ANXA5: variants seen among roughly 807,000 people sequenced by gnomAD.
ANXA5 encodes the protein CBP-I.
A neutral mutation model predicts 48.1 loss-of-function variants in ANXA5; 40 were observed. The ratio of observed to expected loss-of-function variants is 0.83; its 90% CI spans 0.65 to 1.08. ANXA5 has a LOEUF of 1.08. ANXA5 is among the 50% of genes least tolerant of loss of function. The pLI is 0.00. For missense variants in ANXA5, 357 were observed against 376.8 expected, an observed-to-expected ratio of 0.95 and a Z score of 0.44; for synonymous variants, 113 against 129.1, an observed-to-expected ratio of 0.88 and a Z score of 0.85.
intron 10 of ANXA5, among the ~76,000 whole-genome samples, chr4:121,670,409 C>G (rs1724593814): frequency 6.6e-6 from 1 of 152,156 alleles, no homozygotes; most frequent in African/African-American, 2.4e-5. Flanking sequence ...GCAAATAATA[C>G]AAGATTACTA....
intron 10 of ANXA5, among the ~76,000 whole-genome samples, chr4:121,670,577 A>T (rs1724596341): frequency 6.6e-6 from 1 of 150,962 alleles, no homozygotes; most frequent in Non-Finnish European, 1.5e-5. Flanking sequence ...GTACATGTTG[A>T]ATGTAGGTTG....
chr4:121,693,201 T>C (rs1030609797), intron 2 of ANXA5, among the ~76,000 whole-genome samples: 2 of 148,994 alleles, frequency 1.3e-5, no homozygotes, highest in Non-Finnish European at 3.0e-5. Flanking sequence ...GCCACGGCAC[T>C]CCAGCCTGGA....
chr4:121,692,080 C>T (rs1338607378), intron 2 of ANXA5, among the ~76,000 whole-genome samples: 1 of 152,128 alleles, frequency 6.6e-6, no homozygotes, highest in Non-Finnish European at 1.5e-5. Context: ...CTATTGCTTA[C>T]TTTTGTGTAA....
intron 10 of ANXA5, 112 bp downstream of exon 10, chr4:121,671,435 C>T: frequency 1.4e-6 from 1 of 708,626 alleles, no homozygotes. Flanking sequence ...CCCTAAATAT[C>T]ATATCAAGCT....
intron 8 of ANXA5, 138 bp downstream of exon 8, chr4:121,677,756 G>T (rs2110482482): frequency 2.6e-6 from 2 of 757,662 alleles, no homozygotes; most frequent in East Asian, 5.1e-5. Flanking sequence ...ACTTATGTAG[G>T]TCTTATGCTA....
rs774502853 is a variant in ANXA5, at chr4:121,668,459, C to T, written c.*9G>A. 28 of 1,613,106 alleles carry T rather than the reference C, an allele frequency of 1.7e-5. No individual in the cohort carries two copies. The Admixed American group carries it at 2.8e-4, about 16-fold the overall frequency. On this transcript the variant is annotated 3_prime_UTR_variant, in exon 13 of 13. Transcript: ENST00000296511. ...AGGCACACAGCAGGGAGCTCTTCCC[C>T]GTGACACGTTAGTCATCTTCTCCAC... is the stretch of plus-strand genomic sequence containing the variant.
intron 2 of ANXA5, among the ~76,000 whole-genome samples, chr4:121,691,274 T>C (rs1427469114): frequency 1.3e-5 from 2 of 151,952 alleles, no homozygotes; most frequent in Non-Finnish European, 2.9e-5. Flanking sequence ...TTTGTTGGCT[T>C]TTTTTTTCTC....
intron 2 of ANXA5, among the ~76,000 whole-genome samples, chr4:121,688,808 C>T (rs1271767091): frequency 6.6e-6 from 1 of 152,152 alleles, no homozygotes; most frequent in Non-Finnish European, 1.5e-5. Flanking sequence ...GCACCACTGG[C>T]AGCAGCTTTC....
intron 8 of ANXA5, among the ~76,000 whole-genome samples, chr4:121,676,976 CAG>C (rs532054250): frequency 1.9e-3 from 285 of 152,290 alleles, no homozygotes; most frequent in African/African-American, 6.4e-3. Flanking sequence ...AAATACTGCA[CAG>C]AGAGCCCTCG....
Position 121,669,728 on chromosome 4 carries a change from TAAAAAA to T in ANXA5, c.781-10_781-5del. On this transcript the variant is annotated splice_region_variant and splice_polypyrimidine_tract_variant and intron_variant, in intron 11 of 12. Transcript: ENST00000296511. ...TATGATCATCTGTCCCAGCTCCCTT[TAAAAAA>T]AAAAAAAAAGAGAGAAGCAAAATGC... The T allele has an allele frequency of 2.7e-6, 4 of 1,502,924 alleles. No homozygotes were observed. Among genetic ancestry groups the T allele is most frequent in the Non-Finnish European group, 3.6e-6 (4 of 1,124,424 alleles). The allele number at this position is 1,502,924 out of a possible 1,614,324, so 93.1% of individuals were successfully genotyped here.
intron 4 of ANXA5, among the ~76,000 whole-genome samples, chr4:121,684,426 C>G (rs1371378510): frequency 6.6e-6 from 1 of 152,096 alleles, no homozygotes; most frequent in Non-Finnish European, 1.5e-5. Context: ...AGAAGAGAGA[C>G]AGTTCTCACT....
Position 121,684,768 on chromosome 4 carries a change from G to A in ANXA5, c.98C>T (p.Thr33Ile), listed in dbSNP as rs1724851603. The stretch of plus-strand genomic sequence containing the variant: ...CAGAGTCAGGATGCTCTCCTCATCT[G>A]TGCCTGCAATTTATGGTTAACAATT... ...TLRKAMKGLG[T>I]DEESILTLLT... The change falls in exon 4 of 13, where the codon ACA becomes ATA. Residue 33 changes from threonine to isoleucine, a missense_variant. Physicochemically the swap from Thr to Ile is moderately conservative, Grantham distance 89. Transcript: ENST00000296511. The A allele has an allele frequency of 1.9e-6, 3 of 1,613,342 alleles. No individual in the cohort carries two copies. The highest frequency in any genetic ancestry group is 1.3e-5 in the African/African-American group (1 of 74,978).
chr4:121,693,196 G>A (rs974615045), intron 2 of ANXA5, among the ~76,000 whole-genome samples: 1 of 151,832 alleles, frequency 6.6e-6, no homozygotes, highest in East Asian at 1.9e-4. Context: ...ATCACGCCAC[G>A]GCACTCCAGC....
In ANXA5 at chr4:121,677,930, A is replaced by G. The variant is rs1724724741; in HGVS notation, c.495T>C (p.Ala165=). The change falls in exon 8 of 13, where the codon GCT becomes GCC. Residue 165 remains alanine, a synonymous_variant. Coordinates refer to ENST00000296511, the MANE Select transcript of ANXA5 (RefSeq NM_001154.4). ...GTTCAACTTGAGCTTCATCAATTCC[A>G]GCATCAGGGTCTCTGTTAGCCTATG... ...VLLQANRDPD[A]GIDEAQVEQD... 6.2e-7 allele frequency: 1 copy of G among 1,613,726 alleles called. No homozygotes were observed. Among genetic ancestry groups the G allele is most frequent in the Admixed American group, 1.7e-5 (1 of 59,998 alleles).
rs1724556791 is a variant in ANXA5 at position 121,668,446 on chromosome 4, G to A, written c.*22C>T. The A allele has an allele frequency of 1.2e-6, 2 of 1,612,292 alleles. No individual in the cohort carries two copies. The highest frequency in any genetic ancestry group is 1.7e-5 in the Admixed American group (1 of 59,960). ...AGTGGGGTGGTGCAGGCACACAGCA[G>A]GGAGCTCTTCCCCGTGACACGTTAG... On this transcript the variant is annotated 3_prime_UTR_variant, in exon 13 of 13. Coordinates refer to ENST00000296511, the MANE Select transcript of ANXA5 (RefSeq NM_001154.4).
In ANXA5 at chr4:121,672,613, G is replaced by A; in HGVS notation, c.545C>T (p.Ala182Val). Residue 182 changes from alanine to valine, a missense_variant, in exon 9 of 13, where the codon GCT (alanine) becomes GTT (valine). Transcript: ENST00000296511. ...ATCTGTCCCCCATTTAAGTTCTCCA[G>A]CCTGAAATAAAGCCTGCAAAAATTT... ...VEQDAQALFQ[A>V]GELKWGTDEE... The A allele has an allele frequency of 6.2e-7, 1 of 1,613,348 alleles. No homozygotes were observed. The highest frequency in any genetic ancestry group is 8.5e-7 in the Non-Finnish European group (1 of 1,179,538).
At chr4:121,676,851 G>A (rs1422990393) in intron 8 of ANXA5, among the ~76,000 whole-genome samples, 1 of 152,084 alleles carries the variant, frequency 6.6e-6, no homozygotes, top group Non-Finnish European at 1.5e-5. Flanking sequence ...TAACAAAGGG[G>A]CTTGTAACCC....
chr4:121,671,799 A>G (rs906440270), intron 9 of ANXA5, among the ~76,000 whole-genome samples, 157 bp from the exon 10 acceptor site: 15 of 152,124 alleles, frequency 9.9e-5, no homozygotes, highest in Admixed American at 9.8e-4. Context: ...GCCAAGCCCT[A>G]AGCAATGGAT....
intron 2 of ANXA5, among the ~76,000 whole-genome samples, chr4:121,696,154 GA>G (rs910431256): frequency 3.0e-5 from 2 of 66,268 alleles, no homozygotes; most frequent in Non-Finnish European, 5.4e-5. Context: ...AAACTTTGCG[GA>G]AAAAAAATAA....
Sources: gnomAD v4.1 joint callset for allele counts (sites outside exome capture counted in the v4.1 genomes callset) on GRCh38, gnomAD v4.1.1 for gene constraint, MANE v1.5 for transcripts, NCBI Gene and HGNC (gene_info 2026-07-23, HGNC 2026-07-21) for gene names.